Variants in MYO9A observed in about 807,000 individuals in gnomAD.
MYO9A encodes unconventional myosin-IXa.
In MYO9A, 103 loss-of-function variants were observed where a neutral mutation model predicts 293.3. The ratio of observed to expected loss-of-function variants is 0.35; its 90% CI spans 0.30 to 0.41. The LOEUF (loss-of-function observed/expected upper bound fraction) is 0.41. Ranked by LOEUF, MYO9A falls within the 10% of genes least tolerant of loss-of-function variation. MYO9A has a pLI of 1.00. For synonymous variants in MYO9A, 1,001 were observed against 1,035.7 expected (o/e 0.97, Z 0.64); for missense variants, 2,685 against 3,033.0 (o/e 0.89, Z 2.69).
intron 9 of MYO9A, among the ~76,000 whole-genome samples, chr15:71,998,561 T>C (rs1159130869): frequency 1.2e-4 from 2 of 17,128 alleles, no homozygotes; most frequent in Non-Finnish European, 2.2e-4. Flanking sequence ...TTTTTTTTTT[T>C]TGTCTTTTTT....
At chr15:72,030,933 G>A (rs1296101651) in intron 3 of MYO9A, among the ~76,000 whole-genome samples, 1 of 152,198 alleles carries the variant, frequency 6.6e-6, no homozygotes, top group Non-Finnish European at 1.5e-5. Flanking sequence ...GACCTGTTAG[G>A]AACCGGGCTA....
intron 14 of MYO9A, among the ~76,000 whole-genome samples, chr15:71,953,187 T>C (rs1445489062): frequency 1.3e-5 from 2 of 152,344 alleles, no homozygotes; most frequent in African/African-American, 4.8e-5. Context: ...CTTAACATCA[T>C]TTCTTACTCA....
intron 6 of MYO9A, among the ~76,000 whole-genome samples, chr15:72,011,808 T>G (rs1236706329): frequency 6.6e-6 from 1 of 152,228 alleles, no homozygotes; most frequent in Non-Finnish European, 1.5e-5. Context: ...TTTTAATGCC[T>G]ATCTTCCTAG....
Position 71,880,562 on chromosome 15 carries a change from CA to C in MYO9A, c.5399-5del. ...GTTGGGTGATATGCAGCTAATTCTA[CA>C]ATTCAAGATAGAAGACCCAAAAGGA... On this transcript the variant is annotated splice_region_variant and splice_polypyrimidine_tract_variant and intron_variant, in intron 28 of 41. Transcript: ENST00000356056. The C allele has an allele frequency of 6.2e-7, 1 of 1,611,294 alleles. No homozygotes were observed.
intron 1 of MYO9A, among the ~76,000 whole-genome samples, chr15:72,101,806 G>A (rs1326669125): frequency 1.0e-4 from 15 of 145,748 alleles, no homozygotes; most frequent in South Asian, 2.2e-4. Flanking sequence ...CGCCCCGTCC[G>A]GGAGGGAGGT....
At chr15:72,100,902 C>T (rs1285589360) in intron 1 of MYO9A, among the ~76,000 whole-genome samples, 2 of 145,526 alleles carry the variant, frequency 1.4e-5, no homozygotes, top group Non-Finnish European at 3.0e-5. Flanking sequence ...GCCAGCCGCC[C>T]GGTCCGGGAG....
intron 18 of MYO9A, among the ~76,000 whole-genome samples, chr15:71,926,891 A>T (rs916015503): frequency 6.6e-6 from 1 of 152,060 alleles, no homozygotes; most frequent in South Asian, 2.1e-4. Flanking sequence ...GATACACACC[A>T]GTCCACTGGC....
At chr15:71,943,516 CAT>C (rs2058832321) in intron 15 of MYO9A, among the ~76,000 whole-genome samples, 1 of 152,018 alleles carries the variant, frequency 6.6e-6, no homozygotes, top group Non-Finnish European at 1.5e-5. Context: ...GGCTTCATAA[CAT>C]GTAATTAAAC....
chr15:71,853,241 A>G (rs1020528379), intron 35 of MYO9A, among the ~76,000 whole-genome samples: 3 of 152,246 alleles, frequency 2.0e-5, no homozygotes, highest in Admixed American at 6.5e-5. Flanking sequence ...AATGGTTTAC[A>G]TGACAAATGA....
chr15:71,952,185 C>G (rs907139686), intron 14 of MYO9A, among the ~76,000 whole-genome samples: 1 of 151,734 alleles, frequency 6.6e-6, no homozygotes, highest in Non-Finnish European at 1.5e-5. Context: ...AGCAAAAATT[C>G]AAAAGCAATT....
Position 71,823,962 on chromosome 15 carries a change from G to A in MYO9A, c.*2618C>T, listed in dbSNP as rs1295465520. 1 of 152,242 alleles carries A rather than the reference G, an allele frequency of 6.6e-6. No individual in the cohort carries two copies. Among genetic ancestry groups the A allele is most frequent in the Non-Finnish European group, 1.5e-5 (1 of 68,054 alleles). 9.4% of individuals were successfully genotyped at this position (152,242 alleles called of 1,614,324 possible). The stretch of plus-strand genomic sequence containing the variant: ...ACTTTACCATGCAGAGGGCCAGTGA[G>A]AACAGATGGATGCAGACACAGCGTT... On this transcript the variant is annotated 3_prime_UTR_variant, in exon 42 of 42. Coordinates refer to ENST00000356056, the MANE Select transcript of MYO9A (RefSeq NM_006901.4).
intron 1 of MYO9A, among the ~76,000 whole-genome samples, chr15:72,063,140 A>C (rs1201076679): frequency 6.6e-6 from 1 of 152,256 alleles, no homozygotes; most frequent in Non-Finnish European, 1.5e-5. Context: ...AAGAACACAC[A>C]CTGGGGAAAA....
chr15:71,967,841 C>CT (rs1296439864), intron 13 of MYO9A, 143 bp downstream of exon 13: 2 of 809,886 alleles, frequency 2.5e-6, no homozygotes, highest in Non-Finnish European at 1.8e-6. Flanking sequence ...AAAGCAGAAT[C>CT]TAAGTTTTAG....
intron 23 of MYO9A, among the ~76,000 whole-genome samples, chr15:71,900,297 G>A (rs918300983): frequency 2.6e-5 from 4 of 151,922 alleles, no homozygotes; most frequent in Non-Finnish European, 4.4e-5. Flanking sequence ...TTAGCTGGGC[G>A]TGGTGGTGGG....
chr15:71,866,276 A>G (rs906962403), intron 32 of MYO9A, among the ~76,000 whole-genome samples: 1 of 152,220 alleles, frequency 6.6e-6, no homozygotes, highest in African/African-American at 2.4e-5. Context: ...GAGTTTATAC[A>G]GACTATGTAT....
At chr15:72,064,267 C>A (rs1037825819) in intron 1 of MYO9A, among the ~76,000 whole-genome samples, 2 of 151,872 alleles carry the variant, frequency 1.3e-5, no homozygotes, top group African/African-American at 4.8e-5. Flanking sequence ...AGGGTGACTA[C>A]GGTCAACAAT....
At chr15:72,025,968 T>C (rs1439696881) in intron 4 of MYO9A, among the ~76,000 whole-genome samples, 1 of 152,072 alleles carries the variant, frequency 6.6e-6, no homozygotes, top group Non-Finnish European at 1.5e-5. Flanking sequence ...TCCAAACACT[T>C]TGCAGTGAAA....
chr15:72,117,435 G>T (rs931363056), intron 1 of MYO9A, among the ~76,000 whole-genome samples: 1 of 152,094 alleles, frequency 6.6e-6, no homozygotes, highest in Non-Finnish European at 1.5e-5. Context: ...GGGTTGGGGG[G>T]ACCGTGACAG....
chr15:71,963,762 G>C, intron 13 of MYO9A, among the ~76,000 whole-genome samples: 1 of 152,090 alleles, frequency 6.6e-6, no homozygotes, highest in Middle Eastern at 3.2e-3. Flanking sequence ...TAACACCATC[G>C]CCCAAATGCA....
Sources: gnomAD v4.1 joint callset for allele counts (sites outside exome capture counted in the v4.1 genomes callset) on GRCh38, gnomAD v4.1.1 for gene constraint, MANE v1.5 for transcripts, NCBI Gene and HGNC (gene_info 2026-07-23, HGNC 2026-07-21) for gene names.